Variants in CLMP observed in about 807,000 individuals in gnomAD.
The protein encoded by CLMP is CXADR like cell adhesion molecule, also known as CXADR-like membrane protein.
CLMP carries 27 observed loss-of-function variants against 45.2 expected under a neutral mutation model. The observed-to-expected ratio is 0.60, with a 90% CI of 0.44 to 0.82. The LOEUF is 0.82. CLMP is among the 40% of genes least tolerant of loss of function. CLMP has a pLI of 0.00. For synonymous variants in CLMP, 167 were observed against 171.4 expected, an observed-to-expected ratio of 0.97 and a Z score of 0.20; for missense variants, 403 against 448.4, an observed-to-expected ratio of 0.90 and a Z score of 0.91.
intron 1 of CLMP, among the ~76,000 whole-genome samples, chr11:123,168,432 C>T (rs1190529292): frequency 6.6e-6 from 1 of 152,184 alleles, no homozygotes; most frequent in African/African-American, 2.4e-5. Context: ...CTCTTCCTTC[C>T]AGATTTGGAA....
chr11:123,102,707 CT>C lies in CLMP; in HGVS notation c.29-4756del, dbSNP rs34392557. Reference sequence around the variant, plus strand: ...TCTCCTGCCTCAGCCTCCCGAGTAGCTTTTTTTTTTTTTTTTTTTTTGTATT... The same window carrying C: ...TCTCCTGCCTCAGCCTCCCGAGTAGCTTTTTTTTTTTTTTTTTTTTGTATT... On this transcript the variant is annotated intron_variant, in intron 1 of 6. Coordinates refer to ENST00000448775, the MANE Select transcript of CLMP (RefSeq NM_024769.5). Among the ~76,000 whole-genome samples, 424 of 93,272 alleles carry C rather than the reference CT, an allele frequency of 4.5e-3. 1 individual carries two copies. Among genetic ancestry groups the C allele is most frequent in the African/African-American group, 0.014 (282 of 20,410 alleles). 61.2% of individuals were successfully genotyped at this position (93,272 alleles called of 152,430 possible).
chr11:123,156,088 G>C (rs561207439), intron 1 of CLMP, among the ~76,000 whole-genome samples: 1 of 152,258 alleles, frequency 6.6e-6, no homozygotes, highest in Admixed American at 6.5e-5. Context: ...AAGGTTAAAT[G>C]GGTGGGGCCC....
At chr11:123,111,426 C>T (rs1023533889) in intron 1 of CLMP, among the ~76,000 whole-genome samples, 2 of 152,068 alleles carry the variant, frequency 1.3e-5, no homozygotes, top group African/African-American at 2.4e-5. Flanking sequence ...CCACCATGCC[C>T]GGCCATAGTT....
In CLMP at chr11:123,142,069, C is replaced by T. The variant is rs114123793; in HGVS notation, c.29-44117G>A. The stretch of plus-strand genomic sequence containing the variant: ...GTGTGAGCACGGCCCACTGGACCCT[C>T]GACCTCCCAGGGTCAAGCGATCCTC... On this transcript the variant is annotated intron_variant, in intron 1 of 6. Transcript: ENST00000448775. 6.8e-3 allele frequency among the ~76,000 whole-genome samples: 1,027 copies of T among 151,054 alleles called. 12 individuals are homozygous for T. The highest frequency in any genetic ancestry group is 0.024 in the African/African-American group (988 of 41,032).
At chr11:123,122,967 C>T (rs965624780) in intron 1 of CLMP, among the ~76,000 whole-genome samples, 4 of 152,208 alleles carry the variant, frequency 2.6e-5, no homozygotes, top group Non-Finnish European at 5.9e-5. Context: ...CCAATAGAAA[C>T]GAAGGCCTGC....
At chr11:123,108,096 A>G (rs1860585996) in intron 1 of CLMP, among the ~76,000 whole-genome samples, 1 of 152,020 alleles carries the variant, frequency 6.6e-6, no homozygotes, top group African/African-American at 2.4e-5. Flanking sequence ...TAATGGCACC[A>G]CCTGTCCTCT....
At chr11:123,189,194 G>A (rs1861873685) in intron 1 of CLMP, among the ~76,000 whole-genome samples, 1 of 152,206 alleles carries the variant, frequency 6.6e-6, no homozygotes, top group East Asian at 1.9e-4. Flanking sequence ...ATGTTTAGCA[G>A]AACTTTCCAC....
At chr11:123,087,075 C>T (rs1373222782) in intron 2 of CLMP, among the ~76,000 whole-genome samples, 1 of 152,040 alleles carries the variant, frequency 6.6e-6, no homozygotes, top group East Asian at 1.9e-4. Context: ...TGGTGGCTCA[C>T]GCCTATAATC....
intron 1 of CLMP, among the ~76,000 whole-genome samples, chr11:123,098,643 C>T (rs1034858538): frequency 2.0e-5 from 3 of 151,824 alleles, no homozygotes; most frequent in African/African-American, 7.3e-5. Context: ...TCAAGAGATC[C>T]TCCCACCTCA....
intron 1 of CLMP, among the ~76,000 whole-genome samples, chr11:123,175,952 T>C (rs1861693113): frequency 1.3e-5 from 2 of 152,362 alleles, no homozygotes; most frequent in South Asian, 4.1e-4. Flanking sequence ...AGCCATTCCC[T>C]AGCACTAGAG....
intron 1 of CLMP, among the ~76,000 whole-genome samples, chr11:123,098,701 A>ATTTTTTT (rs1156546713): frequency 8.9e-6 from 1 of 112,660 alleles, no homozygotes; most frequent in Non-Finnish European, 1.8e-5. Flanking sequence ...ATCCTGGCTA[A>ATTTTTTT]TTTTTTTTTT....
rs756869949 is a variant in CLMP, at chr11:123,083,034, C to T, written c.679+51G>A. 63 of 1,606,260 alleles carry T rather than the reference C, an allele frequency of 3.9e-5. No individual in the cohort carries two copies. In the Admixed American group the frequency reaches 1.0e-3, roughly 26 times the overall value. ...ATTAGAATGTCTTAACATTGATCTACAATGCAAAAACAAACAGAAAAATGA... is the reference window on the plus strand; with the variant it reads ...ATTAGAATGTCTTAACATTGATCTATAATGCAAAAACAAACAGAAAAATGA... On this transcript the variant is annotated intron_variant, in intron 5 of 6. Coordinates refer to ENST00000448775, the MANE Select transcript of CLMP (RefSeq NM_024769.5).
At position 123,083,761 on chromosome 11, in the gene CLMP, T is replaced by G; in HGVS notation, c.475A>C (p.Thr159Pro). 6.2e-7 allele frequency: 1 copy of G among 1,614,078 alleles called. No homozygotes were observed. Among genetic ancestry groups the G allele is most frequent in the Non-Finnish European group, 8.5e-7 (1 of 1,180,026 alleles). ...LTLQCESSSGTEPIVYYWQRI... is the reference protein window; with the variant it reads ...LTLQCESSSGPEPIVYYWQRI... ...TGCCAGTAATACACAATGGGCTCTG[T>G]GCCAGAGGATGACTCACACTGCAAA... Residue 159 changes from threonine to proline, a missense_variant, in exon 4 of 7, where the codon ACA becomes CCA. Thr to Pro is a conservative substitution (Grantham distance 38). Coordinates refer to ENST00000448775, the MANE Select transcript of CLMP (RefSeq NM_024769.5).
chr11:123,168,629 G>A (rs914506807), intron 1 of CLMP, among the ~76,000 whole-genome samples: 3 of 151,996 alleles, frequency 2.0e-5, no homozygotes, highest in African/African-American at 7.2e-5. Flanking sequence ...TCCTTTTCTT[G>A]TCAAAAGCCA....
rs1591445122 is a variant in CLMP at position 123,070,475 on chromosome 11, A to G, written c.*2999T>C. ...ATAGATTTCCAAAATAATTTGGGTA[A>G]TCAACTGGTATTTTAGCATTCTGGT... On this transcript the variant is annotated 3_prime_UTR_variant, in exon 7 of 7. Coordinates refer to ENST00000448775, the MANE Select transcript of CLMP (RefSeq NM_024769.5). 3.9e-5 allele frequency: 6 copies of G among 152,332 alleles called. No individual in the cohort carries two copies. The South Asian group carries it at 1.0e-3, about 26-fold the overall frequency. 9.4% of individuals were successfully genotyped at this position (152,332 alleles called of 1,614,324 possible).
intron 1 of CLMP, among the ~76,000 whole-genome samples, chr11:123,190,687 C>T (rs555130757): frequency 6.6e-6 from 1 of 152,286 alleles, no homozygotes; most frequent in East Asian, 1.9e-4. Flanking sequence ...CTTCCAGTTA[C>T]GTTGGCAAAA....
intron 5 of CLMP, among the ~76,000 whole-genome samples, chr11:123,082,757 C>T (rs1255520181): frequency 1.3e-5 from 2 of 151,654 alleles, no homozygotes; most frequent in African/African-American, 2.4e-5. Flanking sequence ...ATTACAGGCG[C>T]CCACCACACC....
intron 1 of CLMP, among the ~76,000 whole-genome samples, chr11:123,170,187 G>T (rs1231553493): frequency 1.3e-5 from 2 of 152,082 alleles, no homozygotes; most frequent in African/African-American, 4.8e-5. Context: ...AATATATTTG[G>T]GGTTAAAATA....
intron 2 of CLMP, among the ~76,000 whole-genome samples, chr11:123,096,059 T>C (rs951548941): frequency 2.0e-5 from 3 of 152,164 alleles, no homozygotes; most frequent in African/African-American, 7.2e-5. Context: ...ACCAAGAAGC[T>C]GTTAAAATAA....
Sources: allele counts gnomAD v4.1 joint callset (sites outside exome capture counted in the v4.1 genomes callset), GRCh38; gene constraint gnomAD v4.1.1; transcripts MANE v1.5; gene names NCBI Gene and HGNC (gene_info 2026-07-23, HGNC 2026-07-21).